POU2F3: variants seen among roughly 807,000 people sequenced by gnomAD.
POU2F3 encodes POU domain, class 2, transcription factor 3.
A neutral mutation model predicts 59.2 loss-of-function variants in POU2F3; 23 were observed. The ratio of observed to expected loss-of-function variants is 0.39; its 90% CI spans 0.28 to 0.55. The LOEUF is 0.55. Among genes scored for constraint, POU2F3 ranks in the 20% least tolerant of loss-of-function variants. The pLI, the probability that POU2F3 is intolerant of heterozygous loss-of-function variation, is 0.66. For synonymous variants in POU2F3, 190 were observed against 214.6 expected, an observed-to-expected ratio of 0.89 and a Z score of 1.00; for missense variants, 473 against 544.5, an observed-to-expected ratio of 0.87 and a Z score of 1.31.
chr11:120,266,689 C>T (rs1939838760), intron 2 of POU2F3, among the ~76,000 whole-genome samples: 1 of 152,182 alleles, frequency 6.6e-6, no homozygotes, highest in African/African-American at 2.4e-5. Flanking sequence ...ATGTCACCTC[C>T]CTTGAGTGGC....
chr11:120,302,170 C>A (rs1941366099), intron 5 of POU2F3, 116 bp from the exon 6 acceptor site: 1 of 833,078 alleles, frequency 1.2e-6, no homozygotes, highest in Non-Finnish European at 1.9e-6. Flanking sequence ...GGTGGAGGGA[C>A]CTGATCAGGT....
At chr11:120,260,149 A>G (rs571697091) in intron 2 of POU2F3, among the ~76,000 whole-genome samples, 2 of 152,344 alleles carry the variant, frequency 1.3e-5, no homozygotes, top group South Asian at 4.1e-4. Context: ...TCCATTGTTT[A>G]CCAGGCAGAA....
intron 3 of POU2F3, among the ~76,000 whole-genome samples, chr11:120,279,499 G>A (rs1465462678): frequency 6.6e-6 from 1 of 152,214 alleles, no homozygotes; most frequent in African/African-American, 2.4e-5. Context: ...CACCAGGTTG[G>A]AGGGCTGCAG....
At chr11:120,299,147 C>T (rs1941273256) in intron 4 of POU2F3, among the ~76,000 whole-genome samples, 2 of 152,146 alleles carry the variant, frequency 1.3e-5, no homozygotes, top group African/African-American at 4.8e-5. Context: ...TTGCTCCACC[C>T]CCCAACTCCC....
rs1284895722 is a variant in POU2F3 at position 120,277,704 on chromosome 11, T to C, written c.132+8460T>C. Among the ~76,000 whole-genome samples the C allele has an allele frequency of 5.3e-5, 8 of 151,696 alleles. No individual in the cohort carries two copies. The East Asian group carries it at 1.6e-3, about 30-fold the overall frequency. ...GGGTGAGGCACAAGAATCACTTGAA[T>C]CCGGGAGGCGGAGGTTGCAGTGAGC... On this transcript the variant is annotated intron_variant, in intron 3 of 12. Coordinates refer to ENST00000543440, the MANE Select transcript of POU2F3 (RefSeq NM_014352.4).
At chr11:120,297,936 A>AT (rs1335660134) in intron 3 of POU2F3, among the ~76,000 whole-genome samples, 12,512 of 113,756 alleles carry the variant, frequency 0.11, 717 homozygotes, top group African/African-American at 0.18. Context: ...ATGCCTGGCT[A>AT]TTTTTTTTTT....
intron 2 of POU2F3, among the ~76,000 whole-genome samples, chr11:120,251,392 G>C (rs1220714768): frequency 6.6e-6 from 1 of 152,244 alleles, no homozygotes; most frequent in Non-Finnish European, 1.5e-5. Context: ...AACTGTATTT[G>C]TATGATGGAG....
At chr11:120,259,857 A>C (rs765679746) in intron 2 of POU2F3, among the ~76,000 whole-genome samples, 1 of 152,170 alleles carries the variant, frequency 6.6e-6, no homozygotes, top group Non-Finnish European at 1.5e-5. Flanking sequence ...CCTTGGATGA[A>C]TCTCAAGTAC....
At chr11:120,246,977 T>C (rs539040544) in intron 2 of POU2F3, among the ~76,000 whole-genome samples, 1 of 152,116 alleles carries the variant, frequency 6.6e-6, no homozygotes, top group Non-Finnish European at 1.5e-5. Flanking sequence ...AGAGAAAGGC[T>C]TGGTGCCTGG....
chr11:120,299,788 T>G (rs2135282660), intron 5 of POU2F3, 62 bp downstream of exon 5: 1 of 1,463,714 alleles, frequency 6.8e-7, no homozygotes, highest in Non-Finnish European at 9.3e-7. Context: ...TTGCTGCTGT[T>G]TTTTGCTGGG....
At chr11:120,304,968 AAAATC>A in intron 6 of POU2F3, 57 bp from the exon 7 acceptor site, 4 of 1,190,708 alleles carry the variant, frequency 3.4e-6, no homozygotes, top group Non-Finnish European at 4.6e-6. Context: ...AAAAAAAAAA[AAAATC>A]AGAAAATGTT....
chr11:120,272,403 C>T (rs1409769429), intron 3 of POU2F3, among the ~76,000 whole-genome samples: 2 of 152,118 alleles, frequency 1.3e-5, no homozygotes, highest in Non-Finnish European at 2.9e-5. Context: ...GCCTGGGAGC[C>T]AGAGATTGAG....
At chr11:120,254,510 G>C (rs201718770) in intron 2 of POU2F3, among the ~76,000 whole-genome samples, 1 of 151,852 alleles carries the variant, frequency 6.6e-6, no homozygotes, top group East Asian at 2.0e-4. Flanking sequence ...ACTTCCCCCC[G>C]GAAGGGCTTG....
chr11:120,307,391 G>C, intron 8 of POU2F3, 88 bp from the exon 9 acceptor site: 1 of 1,484,286 alleles, frequency 6.7e-7, no homozygotes, highest in Non-Finnish European at 9.3e-7. Flanking sequence ...AGAGCCCATC[G>C]GGAAGGGTTG....
chr11:120,252,586 T>C (rs1939157159), intron 2 of POU2F3, among the ~76,000 whole-genome samples: 1 of 152,158 alleles, frequency 6.6e-6, no homozygotes, highest in Non-Finnish European at 1.5e-5. Context: ...AAGTACTGAT[T>C]CGCCACTCAG....
chr11:120,251,151 C>G (rs1365662432), intron 2 of POU2F3, among the ~76,000 whole-genome samples: 1 of 152,108 alleles, frequency 6.6e-6, no homozygotes, highest in African/African-American at 2.4e-5. Flanking sequence ...TAAATTATCT[C>G]TTTGTAGAGC....
At chr11:120,264,872 G>A (rs753981671) in intron 2 of POU2F3, among the ~76,000 whole-genome samples, 13 of 152,200 alleles carry the variant, frequency 8.5e-5, no homozygotes, top group Non-Finnish European at 1.3e-4. Context: ...TCTGGTGATC[G>A]TGGACCAGTT....
chr11:120,251,355 T>C (rs555864624), intron 2 of POU2F3, among the ~76,000 whole-genome samples: 2 of 152,328 alleles, frequency 1.3e-5, no homozygotes, highest in South Asian at 2.1e-4. Flanking sequence ...CCCTCCCTTT[T>C]TATGATTAAA....
chr11:120,275,139 G>T (rs1299960403), intron 3 of POU2F3, among the ~76,000 whole-genome samples: 1 of 152,192 alleles, frequency 6.6e-6, no homozygotes, highest in Non-Finnish European at 1.5e-5. Flanking sequence ...GAGGAATAGG[G>T]TGATAAAGAG....
Sources: allele counts gnomAD v4.1 joint callset (sites outside exome capture counted in the v4.1 genomes callset), GRCh38; gene constraint gnomAD v4.1.1; transcripts MANE v1.5; gene names NCBI Gene and HGNC (gene_info 2026-07-23, HGNC 2026-07-21).